The following CCDC178 variants were observed in gnomAD, a reference collection of about 807,000 sequenced individuals.
CCDC178 encodes coiled-coil domain-containing protein 178.
A neutral mutation model predicts 117.4 loss-of-function variants in CCDC178; 126 were observed. That is an observed-to-expected ratio of 1.07 (90% CI 0.93 to 1.24). The LOEUF is 1.24. CCDC178 is among the 50% of genes most tolerant of loss of function. The pLI is 0.00. For missense variants in CCDC178, 1,030 were observed against 986.9 expected (o/e 1.04, Z -0.59); for synonymous variants, 283 against 313.4 (o/e 0.90, Z 1.02).
chr18:33,290,782 G>A (rs1599113503), intron 12 of CCDC178, among the ~76,000 whole-genome samples: 1 of 151,630 alleles, frequency 6.6e-6, no homozygotes, highest in East Asian at 1.9e-4. Context: ...AAAAGTGAAT[G>A]GAAAAAGATC....
At chr18:32,983,908 C>T (rs1407393437) in intron 21 of CCDC178, among the ~76,000 whole-genome samples, 2 of 152,006 alleles carry the variant, frequency 1.3e-5, no homozygotes, top group Non-Finnish European at 2.9e-5. Context: ...TTATAAACTA[C>T]TCCACAGATT....
intron 4 of CCDC178, among the ~76,000 whole-genome samples, chr18:33,393,351 A>AAC (rs2063587939): frequency 6.6e-6 from 1 of 152,178 alleles, no homozygotes; most frequent in African/African-American, 2.4e-5. Context: ...ATGGTTTTAG[A>AAC]GTAAAACAAT....
At chr18:33,275,738 G>A (rs1325404875) in intron 12 of CCDC178, among the ~76,000 whole-genome samples, 2 of 150,386 alleles carry the variant, frequency 1.3e-5, no homozygotes, top group Non-Finnish European at 1.5e-5. Context: ...GTCAATCTGG[G>A]AAACATTTTT....
chr18:33,391,778 T>C (rs2063568162), intron 4 of CCDC178, among the ~76,000 whole-genome samples: 1 of 152,178 alleles, frequency 6.6e-6, no homozygotes, highest in African/African-American at 2.4e-5. Flanking sequence ...AATGTTTAAT[T>C]GTAAATAAAT....
At position 33,309,780 on chromosome 18, in the gene CCDC178, T is replaced by C. The variant is rs530824631; in HGVS notation, c.1022+13711A>G. Among the ~76,000 whole-genome samples, 4 of 152,224 alleles carry C rather than the reference T, an allele frequency of 2.6e-5. No homozygotes were observed. The South Asian group carries it at 6.2e-4, about 24-fold the overall frequency. On this transcript the variant is annotated intron_variant, in intron 11 of 22. Transcript: ENST00000383096. ...ATTAAAACTCATTTATAAAACAATA[T>C]TTTAAAAACTAAGTAGGAAAGACGT...
In CCDC178 at chr18:33,374,441, T is replaced by C. The variant is rs950911289; in HGVS notation, c.209-4252A>G. Among the ~76,000 whole-genome samples the C allele has an allele frequency of 7.2e-5, 11 of 152,130 alleles. 1 individual carries two copies. The highest frequency in any genetic ancestry group is 7.2e-4 in the Admixed American group (11 of 15,268). On this transcript the variant is annotated intron_variant, in intron 5 of 22. Coordinates refer to ENST00000383096, the MANE Select transcript of CCDC178 (RefSeq NM_001105528.4). ...CATTTAACTAACAGTTCAATACAAC[T>C]TCACACACACACTATAATGCCTAAA...
rs982015563 is a variant in CCDC178, at chr18:33,073,308, T to A, written c.2388+19453A>T. On this transcript the variant is annotated intron_variant, in intron 21 of 22. Coordinates refer to ENST00000383096, the MANE Select transcript of CCDC178 (RefSeq NM_001105528.4). ...ATATGAGAATACAAAGTGGGAATCA[T>A]ATATTACATGATTATACGATGTGAA... 2.0e-5 allele frequency among the ~76,000 whole-genome samples: 3 copies of A among 152,140 alleles called. No individual in the cohort carries two copies. In the East Asian group the frequency reaches 5.8e-4, roughly 29 times the overall value.
chr18:33,356,216 C>A, intron 7 of CCDC178, 108 bp downstream of exon 7: 1 of 1,140,264 alleles, frequency 8.8e-7, no homozygotes, highest in Non-Finnish European at 1.2e-6. Context: ...TGTGAAAAAT[C>A]TTGCATTCGA....
At chr18:33,081,389 C>T (rs2057295059) in intron 21 of CCDC178, among the ~76,000 whole-genome samples, 1 of 152,082 alleles carries the variant, frequency 6.6e-6, no homozygotes, top group Non-Finnish European at 1.5e-5. Context: ...ACCATGATAA[C>T]AAAAGTCATT....
chr18:33,191,004 T>C (rs1285998195), intron 20 of CCDC178, among the ~76,000 whole-genome samples: 1 of 152,198 alleles, frequency 6.6e-6, no homozygotes, highest in Non-Finnish European at 1.5e-5. Context: ...GGCATGATAT[T>C]CAACTATGTC....
At chr18:33,393,870 G>A (rs912731192) in intron 4 of CCDC178, among the ~76,000 whole-genome samples, 1 of 151,938 alleles carries the variant, frequency 6.6e-6, no homozygotes, top group Admixed American at 6.6e-5. Context: ...GTGTGTTCAA[G>A]TGTGCATATA....
At chr18:33,171,956 G>A (rs1030145513) in intron 20 of CCDC178, among the ~76,000 whole-genome samples, 4 of 152,096 alleles carry the variant, frequency 2.6e-5, no homozygotes, top group Non-Finnish European at 4.4e-5. Flanking sequence ...TGTCACCCAG[G>A]CTGGAGTGCA....
chr18:33,388,985 T>A (rs1416139066), intron 5 of CCDC178, among the ~76,000 whole-genome samples: 1 of 151,936 alleles, frequency 6.6e-6, no homozygotes, highest in East Asian at 1.9e-4. Flanking sequence ...CTGGGGCCTG[T>A]AGGGGGAGGG....
At chr18:33,131,816 C>T (rs1015848841) in intron 20 of CCDC178, among the ~76,000 whole-genome samples, 1 of 151,610 alleles carries the variant, frequency 6.6e-6, no homozygotes, top group Non-Finnish European at 1.5e-5. Flanking sequence ...CCATGACAAC[C>T]ACTAAATATA....
chr18:33,331,505 C>G (rs1393251368), intron 10 of CCDC178, among the ~76,000 whole-genome samples: 1 of 151,926 alleles, frequency 6.6e-6, no homozygotes, highest in Non-Finnish European at 1.5e-5. Flanking sequence ...TTCCAGCAAC[C>G]TAGGTATGAT....
At chr18:33,396,920 T>C (rs1189024396) in intron 4 of CCDC178, among the ~76,000 whole-genome samples, 1 of 152,080 alleles carries the variant, frequency 6.6e-6, no homozygotes, top group Non-Finnish European at 1.5e-5. Flanking sequence ...TTCTTAAGTA[T>C]GCATTATTCA....
intron 20 of CCDC178, among the ~76,000 whole-genome samples, chr18:33,152,677 T>C (rs1170812146): frequency 1.3e-5 from 2 of 152,094 alleles, no homozygotes; most frequent in African/African-American, 4.8e-5. Flanking sequence ...CCACAACAGC[T>C]GACTCCACAG....
At chr18:33,189,382 T>G (rs746702806) in intron 20 of CCDC178, among the ~76,000 whole-genome samples, 1 of 152,196 alleles carries the variant, frequency 6.6e-6, no homozygotes, top group Admixed American at 6.5e-5. Context: ...TATGGCTATT[T>G]CTTCTTTGTC....
chr18:33,021,513 C>T (rs1257335278), intron 21 of CCDC178, among the ~76,000 whole-genome samples: 1 of 152,156 alleles, frequency 6.6e-6, no homozygotes, highest in Non-Finnish European at 1.5e-5. Context: ...GCCTGGCCAA[C>T]ATGGCGAACA....
Sources: gnomAD v4.1 joint callset for allele counts (sites outside exome capture counted in the v4.1 genomes callset) on GRCh38, gnomAD v4.1.1 for gene constraint, MANE v1.5 for transcripts, NCBI Gene and HGNC (gene_info 2026-07-23, HGNC 2026-07-21) for gene names.